SLF1: variants seen among roughly 807,000 people sequenced by gnomAD.
The protein encoded by SLF1 is SMC5/6 complex localization factor 1.
In SLF1, 105 loss-of-function variants were observed where a neutral mutation model predicts 123.0. The ratio of observed to expected loss-of-function variants is 0.85; its 90% CI spans 0.73 to 1.00. The LOEUF is 1.00. Among genes scored for constraint, SLF1 ranks in the 50% least tolerant of loss-of-function variants. SLF1 has a pLI of 0.00. For synonymous variants in SLF1, 434 were observed against 406.6 expected, an observed-to-expected ratio of 1.07 and a Z score of -0.81; for missense variants, 1,239 against 1,223.0, an observed-to-expected ratio of 1.01 and a Z score of -0.20.
chr5:94,630,861 C>A, intron 4 of SLF1, 118 bp downstream of exon 4: 4 of 1,109,440 alleles, frequency 3.6e-6, no homozygotes, highest in Non-Finnish European at 5.0e-6. Flanking sequence ...TGATTTACTC[C>A]AATCTCCTAG....
chr5:94,691,713 A>T, intron 19 of SLF1, 57 bp downstream of exon 19: 6 of 1,283,964 alleles, frequency 4.7e-6, no homozygotes, highest in Non-Finnish European at 6.5e-6. Context: ...GATATTAAAC[A>T]GTTTTATATC....
rs143105058 is a variant in SLF1 at position 94,669,473 on chromosome 5, A to G, written c.1533-678A>G. 6.6e-4 allele frequency among the ~76,000 whole-genome samples: 100 copies of G among 152,242 alleles called. No individual in the cohort carries two copies. The South Asian group carries it at 0.011, about 16-fold the overall frequency. On this transcript the variant is annotated intron_variant, in intron 12 of 20. Transcript: ENST00000265140. The stretch of plus-strand genomic sequence containing the variant: ...ATCCTAGAGTTCTGAGTAATCTTCT[A>G]TTCTCTTTAGAAATATATTATAGAA...
At chr5:94,636,454 G>A (rs1489386056) in intron 4 of SLF1, among the ~76,000 whole-genome samples, 4 of 151,966 alleles carry the variant, frequency 2.6e-5, no homozygotes, top group African/African-American at 9.6e-5. Context: ...CATCCTTTGG[G>A]TTTTTTTGCT....
rs1019005382 is a variant in SLF1, at chr5:94,630,653, A to G, written c.341A>G (p.Glu114Gly). Residue 114 changes from glutamate to glycine, a missense_variant, in exon 4 of 21, where the codon GAA becomes GGA. Transcript: ENST00000265140. ...MQSAPKRWRE[E>G]LKRTGAPGAF... is the part of the protein sequence containing the mutation. ...TCTGCACCTAAAAGATGGCGTGAAG[A>G]ACTGAAACGCACTGGTGCTCCAGGA... 9 of 1,551,644 alleles carry G rather than the reference A, an allele frequency of 5.8e-6. No homozygotes were observed. Among genetic ancestry groups the G allele is most frequent in the Non-Finnish European group, 7.8e-6 (9 of 1,147,012 alleles).
At chr5:94,627,418 G>C (rs1309083880) in intron 1 of SLF1, among the ~76,000 whole-genome samples, 2 of 151,882 alleles carry the variant, frequency 1.3e-5, no homozygotes, top group East Asian at 3.9e-4. Context: ...ATTGTATTCT[G>C]ATGAGAAATT....
intron 14 of SLF1, 22 bp from the exon 15 acceptor site, chr5:94,678,786 T>G (rs1306805944): frequency 6.3e-7 from 1 of 1,583,894 alleles, no homozygotes; most frequent in South Asian, 1.1e-5. Flanking sequence ...ATTTTAGTAA[T>G]TTTTTTGTAT....
intron 7 of SLF1, among the ~76,000 whole-genome samples, chr5:94,652,535 C>G (rs1747860937): frequency 6.6e-6 from 1 of 152,080 alleles, no homozygotes; most frequent in African/African-American, 2.4e-5. Context: ...TTTGACTATG[C>G]CACAATTATA....
In SLF1 at chr5:94,695,047, AT is replaced by A; in HGVS notation, c.2915del (p.Leu972TyrfsTer7). 6.2e-7 allele frequency: 1 copy of A among 1,612,232 alleles called. No homozygotes were observed. Among genetic ancestry groups the A allele is most frequent in the South Asian group, 1.1e-5 (1 of 91,002 alleles). On this transcript the variant is annotated frameshift_variant, in exon 21 of 21. Coordinates refer to ENST00000265140, the MANE Select transcript of SLF1 (RefSeq NM_032290.4). LOFTEE classifies it high-confidence loss of function. The part of the protein sequence containing the change: ...RMLLNFCSIF[D>X]LSSEFILASK... ...TTGCTAAATTTTTGTTCAATTTTTGATTTATCTTCAGAGTTCATTTTAGCTT... is the reference window on the plus strand; with the variant it reads ...TTGCTAAATTTTTGTTCAATTTTTGATTATCTTCAGAGTTCATTTTAGCTT...
Position 94,692,142 on chromosome 5 carries a change from T to A in SLF1, c.2581T>A (p.Leu861Met). 1 of 1,613,894 alleles carries A rather than the reference T, an allele frequency of 6.2e-7. No homozygotes were observed. Among genetic ancestry groups the A allele is most frequent in the Non-Finnish European group, 8.5e-7 (1 of 1,179,858 alleles). ...CAACACAGTGTGTGTCCAGGAAATT[T>A]TGCAACGTTGTCCAGAGGTAGATCT... ...YGNTVCVQEI[L>M]QRCPEVDLLT... The change falls in exon 20 of 21, where the codon TTG (leucine) becomes ATG (methionine). Residue 861 changes from leucine (L) to methionine (M), a missense_variant. By Grantham distance (15) the Leu-to-Met change is conservative. Coordinates refer to ENST00000265140, the MANE Select transcript of SLF1 (RefSeq NM_032290.4).
intron 15 of SLF1, among the ~76,000 whole-genome samples, chr5:94,680,069 G>A (rs997730929): frequency 1.1e-4 from 16 of 151,972 alleles, no homozygotes; most frequent in Non-Finnish European, 1.9e-4. Context: ...ATTTTAAACT[G>A]CCAAATAAGT....
At chr5:94,636,710 A>ATTTTTTTTTTTTT (rs140191160) in intron 4 of SLF1, among the ~76,000 whole-genome samples, 1 of 75,464 alleles carries the variant, frequency 1.3e-5, no homozygotes, top group East Asian at 3.9e-4. Flanking sequence ...TATTTTACTG[A>ATTTTTTTTTTTTT]TTTTTTTTTT....
rs183115958 is a variant in SLF1 at position 94,677,162 on chromosome 5, C to A, written c.1828-1646C>A. On this transcript the variant is annotated intron_variant, in intron 14 of 20. Coordinates refer to ENST00000265140, the MANE Select transcript of SLF1 (RefSeq NM_032290.4). Reference sequence around the variant, plus strand: ...ATCCAAGAACCTGATTTGGAAGTGCCTTTTATGTAAAATGTACTATTCTAA... The same window carrying A: ...ATCCAAGAACCTGATTTGGAAGTGCATTTTATGTAAAATGTACTATTCTAA... Among the ~76,000 whole-genome samples, 7 of 152,170 alleles carry A rather than the reference C, an allele frequency of 4.6e-5. No homozygotes were observed. In the East Asian group the frequency reaches 1.4e-3, roughly 29 times the overall value.
At chr5:94,626,202 G>A (rs1229910934) in intron 1 of SLF1, among the ~76,000 whole-genome samples, 3 of 148,510 alleles carry the variant, frequency 2.0e-5, no homozygotes, top group East Asian at 4.0e-4. Context: ...GCACTGAGCC[G>A]AGATCACGCC....
In SLF1 at chr5:94,629,302, A is replaced by G. The variant is rs1050814979; in HGVS notation, c.190+135A>G. Reference sequence around the variant, plus strand: ...TTCTGATATTTTTTGAAAATATTTAATATATTTTTTGGCTTATTACTCTTC... The same window carrying G: ...TTCTGATATTTTTTGAAAATATTTAGTATATTTTTTGGCTTATTACTCTTC... On this transcript the variant is annotated intron_variant, in intron 3 of 20. Coordinates refer to ENST00000265140, the MANE Select transcript of SLF1 (RefSeq NM_032290.4). The G allele has an allele frequency of 4.3e-5, 28 of 646,470 alleles. No individual in the cohort carries two copies. In the African/African-American group the frequency reaches 4.5e-4, roughly 10 times the overall value. 40.0% of individuals were successfully genotyped at this position (646,470 alleles called of 1,614,324 possible). A position where few individuals can be genotyped will look rare whatever the true frequency, so the allele number is the denominator to read the frequency against.
chr5:94,656,928 CTTAT>C (rs1221354553), intron 9 of SLF1, among the ~76,000 whole-genome samples: 9 of 150,384 alleles, frequency 6.0e-5, no homozygotes, highest in South Asian at 2.1e-4. Flanking sequence ...AAAAAATTAA[CTTAT>C]TTGTTTCATT....
chr5:94,622,525 T>A (rs1292517415), intron 1 of SLF1, among the ~76,000 whole-genome samples: 1 of 152,170 alleles, frequency 6.6e-6, no homozygotes, highest in African/African-American at 2.4e-5. Flanking sequence ...ATATATTTTT[T>A]ACACTCAGAT....
intron 4 of SLF1, among the ~76,000 whole-genome samples, chr5:94,635,160 A>T (rs1466863785): frequency 6.6e-6 from 1 of 151,858 alleles, no homozygotes; most frequent in African/African-American, 2.4e-5. Context: ...ATAGTTTTGC[A>T]GTTTCAGGTA....
intron 1 of SLF1, among the ~76,000 whole-genome samples, chr5:94,627,738 A>G (rs1396841221): frequency 6.6e-6 from 1 of 151,060 alleles, no homozygotes; most frequent in Non-Finnish European, 1.5e-5. Context: ...TACATATTTA[A>G]TATGTGTCCA....
chr5:94,628,106 C>T (rs944368876), intron 1 of SLF1, among the ~76,000 whole-genome samples: 9 of 152,012 alleles, frequency 5.9e-5, no homozygotes, highest in African/African-American at 2.2e-4. Flanking sequence ...GCTGGGATTA[C>T]AGGCGTGAGC....
Sources: gnomAD v4.1 joint callset for allele counts (sites outside exome capture counted in the v4.1 genomes callset) on GRCh38, gnomAD v4.1.1 for gene constraint, MANE v1.5 for transcripts, NCBI Gene and HGNC (gene_info 2026-07-23, HGNC 2026-07-21) for gene names.